SPIRE1: variants seen among roughly 807,000 people sequenced by gnomAD.
SPIRE1 encodes the protein spire type actin nucleation factor 1, also known as protein spire homolog 1.
Under a neutral mutation model 94.1 loss-of-function variants are expected in SPIRE1, and 40 were observed. That is an observed-to-expected ratio of 0.43 (90% CI 0.33 to 0.55). The LOEUF (loss-of-function observed/expected upper bound fraction) is 0.55, where lower values mean the gene tolerates loss of function less well. Among genes scored for constraint, SPIRE1 ranks in the 20% least tolerant of loss-of-function variants. The pLI is 0.06. For missense variants in SPIRE1, 838 were observed against 975.2 expected (o/e 0.86, Z 1.87); for synonymous variants, 376 against 371.7 (o/e 1.01, Z -0.13).
chr18:12,613,668 G>A (rs2037206069), intron 2 of SPIRE1, among the ~76,000 whole-genome samples: 1 of 152,198 alleles, frequency 6.6e-6, no homozygotes, highest in African/African-American at 2.4e-5. Context: ...GGAAGGCCAA[G>A]GTGGGAGGAT....
chr18:12,501,188 T>G lies in SPIRE1; in HGVS notation c.973-5086A>C, dbSNP rs141058443. Among the ~76,000 whole-genome samples the G allele has an allele frequency of 3.2e-3, 479 of 149,686 alleles. 2 individuals are homozygous for G. Among genetic ancestry groups the G allele is most frequent in the Middle Eastern group, 0.014 (4 of 278 alleles). Reference sequence around the variant, plus strand: ...CTAAGTCAAAGCCAGACACCAAAGGTCATATATGATGAGGCAATATGCATG... The same window carrying G: ...CTAAGTCAAAGCCAGACACCAAAGGGCATATATGATGAGGCAATATGCATG... On this transcript the variant is annotated intron_variant, in intron 6 of 16. Transcript: ENST00000409402.
chr18:12,532,821 T>C (rs1328691630), intron 4 of SPIRE1, among the ~76,000 whole-genome samples: 3 of 152,228 alleles, frequency 2.0e-5, no homozygotes, highest in Non-Finnish European at 4.4e-5. Context: ...AGGCAATTTA[T>C]GTGCTTTCTT....
intron 2 of SPIRE1, among the ~76,000 whole-genome samples, chr18:12,554,657 GA>G: frequency 6.6e-6 from 1 of 152,202 alleles, no homozygotes; most frequent in African/African-American, 2.4e-5. Context: ...GTAATCCCCT[GA>G]CATCAAAACC....
chr18:12,656,722 A>C (rs1458211728), intron 1 of SPIRE1: 3 of 978,638 alleles, frequency 3.1e-6, no homozygotes, highest in Non-Finnish European at 3.6e-6. Flanking sequence ...CTCTTCAATG[A>C]GCATCTGAGT....
intron 2 of SPIRE1, among the ~76,000 whole-genome samples, chr18:12,620,425 C>T (rs539344842): frequency 3.1e-4 from 47 of 152,250 alleles, no homozygotes; most frequent in African/African-American, 1.1e-3. Context: ...AATTTCAAAA[C>T]TTATTTAAAA....
At chr18:12,637,208 C>T (rs569364446) in intron 1 of SPIRE1, among the ~76,000 whole-genome samples, 2 of 151,970 alleles carry the variant, frequency 1.3e-5, no homozygotes, top group African/African-American at 4.8e-5. Context: ...AAATACAAAA[C>T]ATTAGCCGGG....
chr18:12,518,317 T>A (rs367760799), intron 4 of SPIRE1, among the ~76,000 whole-genome samples: 43 of 152,218 alleles, frequency 2.8e-4, no homozygotes, highest in African/African-American at 9.6e-4. Flanking sequence ...GCAACATTTT[T>A]AATAACTCAG....
chr18:12,537,933 A>T (rs2034890465), intron 3 of SPIRE1, among the ~76,000 whole-genome samples: 1 of 152,226 alleles, frequency 6.6e-6, no homozygotes, highest in Non-Finnish European at 1.5e-5. Flanking sequence ...ACCCAAAGTG[A>T]TGAACAGATT....
chr18:12,586,511 A>G (rs917283847), intron 2 of SPIRE1, among the ~76,000 whole-genome samples: 1 of 152,234 alleles, frequency 6.6e-6, no homozygotes, highest in African/African-American at 2.4e-5. Context: ...CTCAAGTCAC[A>G]GAAATACTTA....
intron 10 of SPIRE1, among the ~76,000 whole-genome samples, chr18:12,472,469 G>A (rs1208979457): frequency 6.6e-6 from 1 of 150,982 alleles, no homozygotes. Context: ...CTGGGCTTAG[G>A]TGATCCTCCC....
chr18:12,630,074 C>T (rs1399921204), intron 2 of SPIRE1, among the ~76,000 whole-genome samples: 3 of 152,022 alleles, frequency 2.0e-5, no homozygotes, highest in Non-Finnish European at 1.5e-5. Flanking sequence ...GGTAAAAGTG[C>T]TAAAAAAGTT....
intron 2 of SPIRE1, among the ~76,000 whole-genome samples, chr18:12,551,178 G>GT (rs907010721): frequency 6.6e-6 from 1 of 152,100 alleles, no homozygotes; most frequent in African/African-American, 2.4e-5. Flanking sequence ...CCACTAAAAT[G>GT]TAAGGCCCAT....
At chr18:12,649,346 C>T (rs2038312079) in intron 1 of SPIRE1, among the ~76,000 whole-genome samples, 1 of 151,966 alleles carries the variant, frequency 6.6e-6, no homozygotes, top group Non-Finnish European at 1.5e-5. Flanking sequence ...GAGCCGGGGG[C>T]TGCAGCGAGC....
At chr18:12,508,348 T>C (rs2033909328) in intron 5 of SPIRE1, among the ~76,000 whole-genome samples, 1 of 152,138 alleles carries the variant, frequency 6.6e-6, no homozygotes, top group Non-Finnish European at 1.5e-5. Flanking sequence ...ATAAAAACCA[T>C]ACCATTTCCC....
chr18:12,544,847 T>C (rs2035116438), intron 3 of SPIRE1, among the ~76,000 whole-genome samples: 1 of 152,238 alleles, frequency 6.6e-6, no homozygotes, highest in South Asian at 2.1e-4. Context: ...CTGGATCTCA[T>C]CTTCCAAACC....
At chr18:12,545,092 T>C (rs564016371) in intron 3 of SPIRE1, among the ~76,000 whole-genome samples, 2 of 152,244 alleles carry the variant, frequency 1.3e-5, no homozygotes, top group Non-Finnish European at 2.9e-5. Context: ...TATTTATCAA[T>C]GGTCTTCCAC....
At chr18:12,549,441 T>TG (rs369101603) in intron 2 of SPIRE1, among the ~76,000 whole-genome samples, 59 of 48,174 alleles carry the variant, frequency 1.2e-3, no homozygotes, top group South Asian at 5.0e-3. Flanking sequence ...TTATTGTTGT[T>TG]TTTTTTTTTT....
intron 1 of SPIRE1, among the ~76,000 whole-genome samples, chr18:12,654,106 G>C (rs1277229254): frequency 1.3e-5 from 2 of 151,162 alleles, no homozygotes; most frequent in Non-Finnish European, 3.0e-5. Flanking sequence ...GGAGGCTGAG[G>C]CGGGTGGATC....
At chr18:12,477,653 G>T (rs576532364) in intron 10 of SPIRE1, among the ~76,000 whole-genome samples, 1 of 152,274 alleles carries the variant, frequency 6.6e-6, no homozygotes, top group South Asian at 2.1e-4. Flanking sequence ...AGAGGGATGA[G>T]TGGGTTATGA....
Sources: gnomAD v4.1 joint callset for allele counts (sites outside exome capture counted in the v4.1 genomes callset) on GRCh38, gnomAD v4.1.1 for gene constraint, MANE v1.5 for transcripts, NCBI Gene and HGNC (gene_info 2026-07-23, HGNC 2026-07-21) for gene names.